Variants in BRMS1L observed in about 807,000 individuals in gnomAD.
The protein encoded by BRMS1L is breast cancer metastasis-suppressor 1-like protein.
Under a neutral mutation model 50.3 loss-of-function variants are expected in BRMS1L, and 23 were observed. The ratio of observed to expected loss-of-function variants is 0.46; its 90% CI spans 0.33 to 0.65. BRMS1L has a LOEUF of 0.65. Among genes scored for constraint, BRMS1L ranks in the 30% least tolerant of loss-of-function variants. The pLI is 0.02. For missense variants in BRMS1L, 286 were observed against 386.1 expected (o/e 0.74, Z 2.17); for synonymous variants, 114 against 126.9 (o/e 0.90, Z 0.69).
chr14:35,831,555 A>G (rs775026519), intron 2 of BRMS1L, 55 bp downstream of exon 2: 28 of 1,290,068 alleles, frequency 2.2e-5, no homozygotes, highest in Non-Finnish European at 3.0e-5. Context: ...TGTCACTTGT[A>G]TACTAGCACA....
chr14:35,854,959 C>G (rs984243254), intron 4 of BRMS1L, among the ~76,000 whole-genome samples: 10 of 152,364 alleles, frequency 6.6e-5, no homozygotes, highest in African/African-American at 2.4e-4. Flanking sequence ...GACATACTTT[C>G]AGGAAAAACT....
chr14:35,866,569 G>C (rs1036833145), intron 8 of BRMS1L, among the ~76,000 whole-genome samples: 29 of 152,104 alleles, frequency 1.9e-4, no homozygotes, highest in African/African-American at 6.8e-4. Flanking sequence ...GCCAGGCTTG[G>C]CGGTGTGTAC....
At chr14:35,839,107 A>G (rs898349425) in intron 4 of BRMS1L, among the ~76,000 whole-genome samples, 11 of 152,060 alleles carry the variant, frequency 7.2e-5, no homozygotes, top group South Asian at 2.1e-4. Flanking sequence ...TGTTTTCCCA[A>G]CACCATTTAT....
At chr14:35,843,575 C>T (rs1400243303) in intron 4 of BRMS1L, among the ~76,000 whole-genome samples, 1 of 152,186 alleles carries the variant, frequency 6.6e-6, no homozygotes, top group Non-Finnish European at 1.5e-5. Flanking sequence ...AGAGGGGCAC[C>T]TGCCAGATGC....
At chr14:35,840,008 G>A (rs1178129721) in intron 4 of BRMS1L, among the ~76,000 whole-genome samples, 2 of 152,180 alleles carry the variant, frequency 1.3e-5, no homozygotes, top group Non-Finnish European at 2.9e-5. Flanking sequence ...CTGTGGGTTT[G>A]TCATAAATAG....
Position 35,826,510 on chromosome 14 carries a change from C to A in BRMS1L, c.-7C>A. On this transcript the variant is annotated 5_prime_UTR_variant, in exon 1 of 10. The change creates a new upstream start codon in the 5' untranslated region. Transcript: ENST00000216807. ...CCGGTAGTGGAAAGCGACGGCGCGG[C>A]TGGAAAATGCCAGTCCATTCCCGAG... is the stretch of plus-strand genomic sequence containing the variant. 5 of 1,577,984 alleles carry A rather than the reference C, an allele frequency of 3.2e-6. No individual in the cohort carries two copies. Among genetic ancestry groups the A allele is most frequent in the Non-Finnish European group, 4.3e-6 (5 of 1,162,366 alleles).
At chr14:35,826,994 C>A (rs376235782) in intron 1 of BRMS1L, among the ~76,000 whole-genome samples, 2 of 152,330 alleles carry the variant, frequency 1.3e-5, no homozygotes, top group East Asian at 3.9e-4. Context: ...AGCCCACCGA[C>A]CTCTTTCCCT....
chr14:35,854,352 T>G (rs1422148247), intron 4 of BRMS1L, among the ~76,000 whole-genome samples: 2 of 152,212 alleles, frequency 1.3e-5, no homozygotes, highest in Non-Finnish European at 2.9e-5. Context: ...TTATTTTCTC[T>G]TAAAGTTTTT....
intron 4 of BRMS1L, among the ~76,000 whole-genome samples, chr14:35,853,296 TTGA>T (rs1397895103): frequency 6.6e-6 from 1 of 152,188 alleles, no homozygotes; most frequent in East Asian, 1.9e-4. Context: ...AGCATATATC[TTGA>T]TGATTTTTTA....
intron 1 of BRMS1L, among the ~76,000 whole-genome samples, chr14:35,829,431 A>G (rs1043568850): frequency 4.6e-5 from 7 of 152,200 alleles, no homozygotes; most frequent in African/African-American, 1.7e-4. Context: ...TTAATTTTTG[A>G]AGAATGTGAT....
chr14:35,838,076 A>T (rs2078017580), intron 4 of BRMS1L, among the ~76,000 whole-genome samples: 1 of 151,956 alleles, frequency 6.6e-6, no homozygotes, highest in East Asian at 1.9e-4. Flanking sequence ...CCCCGTGTCC[A>T]TGTGTTCTCA....
chr14:35,841,167 G>A (rs534015362), intron 4 of BRMS1L, among the ~76,000 whole-genome samples: 1 of 152,228 alleles, frequency 6.6e-6, no homozygotes, highest in Admixed American at 6.5e-5. Context: ...AGTTTTGAGT[G>A]AGTTTCTTAA....
intron 4 of BRMS1L, among the ~76,000 whole-genome samples, 177 bp downstream of exon 4, chr14:35,835,100 G>T (rs2077974165): frequency 6.6e-6 from 1 of 151,668 alleles, no homozygotes; most frequent in Non-Finnish European, 1.5e-5. Flanking sequence ...TTGGAGATAG[G>T]ACACAAAGAA....
Position 35,868,011 on chromosome 14 carries a change from A to G in BRMS1L, c.833A>G (p.Lys278Arg). 1 of 1,602,076 alleles carries G rather than the reference A, an allele frequency of 6.2e-7. No homozygotes were observed. Among genetic ancestry groups the G allele is most frequent in the South Asian group, 1.1e-5 (1 of 88,488 alleles). The stretch of plus-strand genomic sequence containing the variant: ...CGTGGACAAACAATATGTATTGATA[A>G]AAAAGATGAATGTCCTACAAGGTAA... ...YIRGQTICID[K>R]KDECPTSAVI... The change falls in exon 9 of 10, where the codon AAA becomes AGA. Residue 278 changes from lysine (K) to arginine (R), a missense_variant. Transcript: ENST00000216807.
At chr14:35,866,475 A>G (rs887907277) in intron 8 of BRMS1L, among the ~76,000 whole-genome samples, 1 of 152,186 alleles carries the variant, frequency 6.6e-6, no homozygotes, top group Non-Finnish European at 1.5e-5. Context: ...ACGCTAAGGC[A>G]GGAGGATCAC....
chr14:35,863,722 A>T (rs2078382728), intron 5 of BRMS1L, 148 bp from the exon 6 acceptor site: 3 of 647,606 alleles, frequency 4.6e-6, no homozygotes, highest in Non-Finnish European at 8.0e-6. Context: ...TCATGAAATT[A>T]TGTACAGCTT....
rs1595667480 is a variant in BRMS1L at position 35,846,195 on chromosome 14, T to G, written c.441+11272T>G. Among the ~76,000 whole-genome samples, 3 of 151,784 alleles carry G rather than the reference T, an allele frequency of 2.0e-5. No homozygotes were observed. In the South Asian group the frequency reaches 6.3e-4, roughly 32 times the overall value. Reference sequence around the variant, plus strand: ...TGAGCTCAGGAGTTTGAGACTAGCCTGGGTAACAAAGCAAGACTCTGTCAA... The same window carrying G: ...TGAGCTCAGGAGTTTGAGACTAGCCGGGGTAACAAAGCAAGACTCTGTCAA... On this transcript the variant is annotated intron_variant, in intron 4 of 9. Coordinates refer to ENST00000216807, the MANE Select transcript of BRMS1L (RefSeq NM_032352.4).
chr14:35,833,890 G>A (rs955877259), intron 3 of BRMS1L, among the ~76,000 whole-genome samples: 1 of 152,044 alleles, frequency 6.6e-6, no homozygotes, highest in African/African-American at 2.4e-5. Flanking sequence ...TTATTTTTGA[G>A]TGCTTAATAT....
chr14:35,844,697 T>C (rs2078110903), intron 4 of BRMS1L, among the ~76,000 whole-genome samples: 1 of 152,230 alleles, frequency 6.6e-6, no homozygotes, highest in Non-Finnish European at 1.5e-5. Flanking sequence ...TAGTTCTAGC[T>C]GCTTGAGTTG....
Sources: gnomAD v4.1 joint callset for allele counts (sites outside exome capture counted in the v4.1 genomes callset) on GRCh38, gnomAD v4.1.1 for gene constraint, MANE v1.5 for transcripts, NCBI Gene and HGNC (gene_info 2026-07-23, HGNC 2026-07-21) for gene names.